Variants in CHSY3 observed in about 807,000 individuals in gnomAD.
CHSY3 encodes the protein N-acetylgalactosaminyl-proteoglycan 3-beta-glucuronosyltransferase 3.
CHSY3 carries 35 observed loss-of-function variants against 67.2 expected under a neutral mutation model. That is an observed-to-expected ratio of 0.52 (90% CI 0.40 to 0.69). The LOEUF (loss-of-function observed/expected upper bound fraction) is 0.69, where lower values mean the gene tolerates loss of function less well. Ranked by LOEUF, CHSY3 falls within the 30% of genes least tolerant of loss-of-function variation. The pLI, the probability that CHSY3 is intolerant of heterozygous loss-of-function variation, is 0.00. For synonymous variants in CHSY3, 474 were observed against 434.7 expected (o/e 1.09, Z -1.12); for missense variants, 1,069 against 1,138.5 (o/e 0.94, Z 0.88).
intron 2 of CHSY3, among the ~76,000 whole-genome samples, chr5:130,178,142 A>T (rs899838604): frequency 9.8e-5 from 14 of 142,992 alleles, no homozygotes; most frequent in African/African-American, 3.6e-4. Context: ...ATATGGATAT[A>T]GTTGTGGTCT....
chr5:130,044,151 A>C (rs1468861016), intron 2 of CHSY3, among the ~76,000 whole-genome samples: 1 of 152,172 alleles, frequency 6.6e-6, no homozygotes, highest in Non-Finnish European at 1.5e-5. Context: ...ATCTACTGAA[A>C]AATTTGAACA....
At chr5:130,089,415 A>G (rs2149691757) in intron 2 of CHSY3, among the ~76,000 whole-genome samples, 1 of 152,140 alleles carries the variant, frequency 6.6e-6, no homozygotes, top group East Asian at 1.9e-4. Context: ...TTAAAAAGTA[A>G]AGTACAGAAA....
At chr5:130,044,143 C>G (rs1037821410) in intron 2 of CHSY3, among the ~76,000 whole-genome samples, 3 of 151,986 alleles carry the variant, frequency 2.0e-5, no homozygotes, top group Non-Finnish European at 2.9e-5. Flanking sequence ...AAGAAGGAAT[C>G]TACTGAAAAA....
intron 2 of CHSY3, among the ~76,000 whole-genome samples, chr5:130,072,177 A>C (rs983687650): frequency 6.6e-6 from 1 of 151,944 alleles, no homozygotes; most frequent in Admixed American, 6.6e-5. Flanking sequence ...TTTCTTTGCT[A>C]TGCAGAAGCT....
chr5:130,046,441 G>T (rs748256146), intron 2 of CHSY3, among the ~76,000 whole-genome samples: 2 of 152,044 alleles, frequency 1.3e-5, no homozygotes, highest in Non-Finnish European at 2.9e-5. Flanking sequence ...ACCATGGTTT[G>T]GGTTTGACCT....
chr5:130,142,596 C>T (rs553653539), intron 2 of CHSY3, among the ~76,000 whole-genome samples: 2 of 152,274 alleles, frequency 1.3e-5, no homozygotes, highest in East Asian at 1.9e-4. Flanking sequence ...GAATTAATTA[C>T]ATAATATCAA....
At chr5:129,955,664 A>G (rs1225405154) in intron 2 of CHSY3, among the ~76,000 whole-genome samples, 1 of 151,682 alleles carries the variant, frequency 6.6e-6, no homozygotes, top group Non-Finnish European at 1.5e-5. Flanking sequence ...GGTATTAGTT[A>G]TTTTTCCTGT....
chr5:130,175,853 A>C (rs1770032402), intron 2 of CHSY3, among the ~76,000 whole-genome samples: 1 of 152,210 alleles, frequency 6.6e-6, no homozygotes, highest in African/African-American at 2.4e-5. Flanking sequence ...AAATTAACTG[A>C]AGATGGGTTA....
At chr5:129,987,976 T>A (rs1763253287) in intron 2 of CHSY3, among the ~76,000 whole-genome samples, 1 of 152,194 alleles carries the variant, frequency 6.6e-6, no homozygotes, top group Non-Finnish European at 1.5e-5. Context: ...CAGTGTGCCA[T>A]GATATTTATA....
intron 2 of CHSY3, among the ~76,000 whole-genome samples, chr5:130,024,521 G>C (rs1764484198): frequency 6.6e-6 from 1 of 152,092 alleles, no homozygotes; most frequent in Non-Finnish European, 1.5e-5. Flanking sequence ...GCAGTGTGCT[G>C]CTCTTTCATG....
intron 2 of CHSY3, among the ~76,000 whole-genome samples, chr5:130,178,393 C>G (rs188573272): frequency 2.0e-5 from 3 of 150,600 alleles, no homozygotes; most frequent in Admixed American, 6.6e-5. Context: ...GCTGGAACTA[C>G]AGGCACCCAC....
intron 2 of CHSY3, among the ~76,000 whole-genome samples, chr5:130,125,239 A>C (rs1000168139): frequency 6.6e-6 from 1 of 152,160 alleles, no homozygotes; most frequent in African/African-American, 2.4e-5. Flanking sequence ...GGACAGATTG[A>C]GTCCTCATCT....
intron 1 of CHSY3, among the ~76,000 whole-genome samples, chr5:129,906,293 G>A (rs1760295845): frequency 6.6e-6 from 1 of 151,810 alleles, no homozygotes; most frequent in Non-Finnish European, 1.5e-5. Context: ...GCACCAAGCC[G>A]TCCCCCATCC....
At chr5:129,956,487 T>C (rs1227216629) in intron 2 of CHSY3, among the ~76,000 whole-genome samples, 1 of 152,174 alleles carries the variant, frequency 6.6e-6, no homozygotes, top group East Asian at 1.9e-4. Flanking sequence ...GCAAAATTTA[T>C]ATCTCATCCT....
rs547555570 is a variant in CHSY3 at position 129,998,032 on chromosome 5, C to T, written c.1086+89672C>T. 4.4e-4 allele frequency among the ~76,000 whole-genome samples: 67 copies of T among 152,112 alleles called. No homozygotes were observed. In the South Asian group the frequency reaches 9.6e-3, roughly 22 times the overall value. On this transcript the variant is annotated intron_variant, in intron 2 of 2. Transcript: ENST00000305031. The stretch of plus-strand genomic sequence containing the variant: ...TTCTTTGGGAATATACCCAGTAATG[C>T]GATTGCTGGGTCAAATGGTATTTCT...
intron 2 of CHSY3, among the ~76,000 whole-genome samples, chr5:129,915,051 A>G (rs1014723938): frequency 2.0e-5 from 3 of 152,158 alleles, no homozygotes. Flanking sequence ...TTTGGGAAAC[A>G]TTTATTTTAG....
At chr5:130,078,557 T>A (rs1277607972) in intron 2 of CHSY3, among the ~76,000 whole-genome samples, 2 of 152,182 alleles carry the variant, frequency 1.3e-5, no homozygotes, top group African/African-American at 2.4e-5. Context: ...TGGATTTTTT[T>A]ATTAGATATT....
chr5:130,087,282 C>A (rs966099673), intron 2 of CHSY3, among the ~76,000 whole-genome samples: 2 of 152,074 alleles, frequency 1.3e-5, no homozygotes, highest in Non-Finnish European at 2.9e-5. Flanking sequence ...GCAAAAACTG[C>A]AAGCATTCCC....
intron 2 of CHSY3, among the ~76,000 whole-genome samples, chr5:129,986,626 TTC>T (rs1476665185): frequency 6.6e-6 from 1 of 152,062 alleles, no homozygotes; most frequent in Non-Finnish European, 1.5e-5. Context: ...CAGAAAAGGT[TTC>T]TTTCCTTTAT....
Sources: allele counts gnomAD v4.1 joint callset (sites outside exome capture counted in the v4.1 genomes callset), GRCh38; gene constraint gnomAD v4.1.1; transcripts MANE v1.5; gene names NCBI Gene and HGNC (gene_info 2026-07-23, HGNC 2026-07-21).